Variants in HIBADH observed in about 807,000 individuals in gnomAD.
HIBADH encodes 3-hydroxyisobutyrate dehydrogenase, mitochondrial.
HIBADH carries 25 observed loss-of-function variants against 36.1 expected under a neutral mutation model. That is an observed-to-expected ratio of 0.69 (90% confidence interval 0.50 to 0.97). The LOEUF is 0.97. Ranked by LOEUF, HIBADH falls within the 50% of genes least tolerant of loss-of-function variation. HIBADH has a pLI of 0.00. For synonymous variants in HIBADH, 160 were observed against 149.5 expected (o/e 1.07, Z -0.51); for missense variants, 421 against 418.0 (o/e 1.01, Z -0.06).
intron 7 of HIBADH, among the ~76,000 whole-genome samples, chr7:27,526,876 A>AATTAAATAAGCATGGTAT (rs1472950270): frequency 7.2e-5 from 11 of 152,300 alleles, no homozygotes; most frequent in Middle Eastern, 3.4e-3. Context: ...GGAGAAAGAC[A>AATTAAATAAGCATGGTAT]ATTAAATAAG....
chr7:27,641,028 A>G (rs1785950909), intron 2 of HIBADH, among the ~76,000 whole-genome samples: 1 of 152,150 alleles, frequency 6.6e-6, no homozygotes, highest in Admixed American at 6.5e-5. Context: ...CTGGAACGGC[A>G]GGTGGCCATC....
rs1249146331 is a variant in HIBADH at position 27,645,405 on chromosome 7, T to A, written c.252+4068A>T. Among the ~76,000 whole-genome samples, 4 of 119,742 alleles carry A rather than the reference T, an allele frequency of 3.3e-5. No individual in the cohort carries two copies. The Admixed American group carries it at 4.4e-4, about 13-fold the overall frequency. The allele number at this position is 119,742 out of a possible 152,430, so 78.6% of individuals were successfully genotyped here. ...TTTTTTTTTTTTTTTTGAGACAGAG[T>A]CTTACTCTGTCGCCCAGGCTGGAGT... On this transcript the variant is annotated intron_variant, in intron 2 of 7. Transcript: ENST00000265395.
chr7:27,557,137 C>A (rs534968179), intron 4 of HIBADH, among the ~76,000 whole-genome samples: 32 of 100,092 alleles, frequency 3.2e-4, no homozygotes, highest in African/African-American at 1.5e-3. Flanking sequence ...GAGACCCTGT[C>A]TAAAAAGGAA....
chr7:27,540,699 T>C (rs1336294438), intron 5 of HIBADH, among the ~76,000 whole-genome samples: 1 of 152,126 alleles, frequency 6.6e-6, no homozygotes, highest in Non-Finnish European at 1.5e-5. Context: ...GCCTTAAAGG[T>C]CCTTATGATC....
intron 2 of HIBADH, among the ~76,000 whole-genome samples, chr7:27,645,368 ATTTTTTTTTT>A (rs762685685): frequency 3.4e-5 from 2 of 59,652 alleles, no homozygotes; most frequent in African/African-American, 6.3e-5. Context: ...CATGGTTTTG[ATTTTTTTTTT>A]TTTTTTTTTT....
intron 4 of HIBADH, among the ~76,000 whole-genome samples, chr7:27,614,797 T>G (rs1047673710): frequency 6.6e-6 from 1 of 152,220 alleles, no homozygotes; most frequent in Non-Finnish European, 1.5e-5. Flanking sequence ...GAGGCTTATT[T>G]GATGAAACAG....
intron 4 of HIBADH, among the ~76,000 whole-genome samples, chr7:27,585,291 G>A (rs183919711): frequency 9.3e-4 from 141 of 152,096 alleles, no homozygotes; most frequent in Non-Finnish European, 1.1e-3. Flanking sequence ...ATGCACACAC[G>A]TGTGTGTATG....
chr7:27,608,581 A>C (rs1474282657), intron 4 of HIBADH, among the ~76,000 whole-genome samples: 1 of 152,162 alleles, frequency 6.6e-6, no homozygotes, highest in Non-Finnish European at 1.5e-5. Flanking sequence ...TCAAATTCTC[A>C]ATTACATCTC....
chr7:27,546,208 T>C (rs1048562063), intron 4 of HIBADH, among the ~76,000 whole-genome samples: 33 of 152,130 alleles, frequency 2.2e-4, no homozygotes, highest in African/African-American at 7.7e-4. Context: ...GCTCAAGCAA[T>C]CCTCCCACCT....
intron 4 of HIBADH, among the ~76,000 whole-genome samples, chr7:27,575,494 G>T (rs187533132): frequency 3.1e-4 from 47 of 152,180 alleles, no homozygotes; most frequent in African/African-American, 1.1e-3. Context: ...GACTGGGCTG[G>T]ACTGGGTGAG....
At chr7:27,598,232 C>T (rs1400424859) in intron 4 of HIBADH, among the ~76,000 whole-genome samples, 1 of 152,100 alleles carries the variant, frequency 6.6e-6, no homozygotes, top group Non-Finnish European at 1.5e-5. Context: ...GATTGCTATG[C>T]TACATGAATG....
chr7:27,527,632 G>C (rs1056664161), intron 7 of HIBADH, among the ~76,000 whole-genome samples: 2 of 152,106 alleles, frequency 1.3e-5, no homozygotes, highest in African/African-American at 4.8e-5. Flanking sequence ...AAGTCTATCA[G>C]CACTGTTTTT....
At chr7:27,533,986 G>A (rs961826571) in intron 6 of HIBADH, among the ~76,000 whole-genome samples, 2 of 152,144 alleles carry the variant, frequency 1.3e-5, no homozygotes, top group African/African-American at 4.8e-5. Context: ...GAGTGCATGC[G>A]TGCATGCATG....
chr7:27,530,489 G>A (rs1258495577), intron 7 of HIBADH, among the ~76,000 whole-genome samples: 1 of 152,108 alleles, frequency 6.6e-6, no homozygotes, highest in East Asian at 1.9e-4. Flanking sequence ...TTAAAGGCAT[G>A]AGCTATCGCG....
chr7:27,638,564 A>C (rs1785898900), intron 2 of HIBADH, among the ~76,000 whole-genome samples: 1 of 152,158 alleles, frequency 6.6e-6, no homozygotes, highest in Admixed American at 6.5e-5. Context: ...TATCAAAAGC[A>C]ACTGCAACAA....
At chr7:27,553,809 C>T (rs905916498) in intron 4 of HIBADH, among the ~76,000 whole-genome samples, 18 of 152,122 alleles carry the variant, frequency 1.2e-4, no homozygotes, top group Non-Finnish European at 8.8e-5. Context: ...AAAACTCCGT[C>T]TTGCAAATAA....
intron 4 of HIBADH, among the ~76,000 whole-genome samples, chr7:27,563,286 G>A (rs1490608739): frequency 6.6e-6 from 1 of 152,122 alleles, no homozygotes; most frequent in Non-Finnish European, 1.5e-5. Flanking sequence ...AGGTTACACG[G>A]TTTGTTTATC....
At chr7:27,591,985 A>G (rs1385511025) in intron 4 of HIBADH, among the ~76,000 whole-genome samples, 1 of 152,222 alleles carries the variant, frequency 6.6e-6, no homozygotes, top group Non-Finnish European at 1.5e-5. Flanking sequence ...AAATGCCAAA[A>G]TCCAGAAATA....
At chr7:27,540,935 G>C (rs1361904993) in intron 5 of HIBADH, among the ~76,000 whole-genome samples, 3 of 152,188 alleles carry the variant, frequency 2.0e-5, no homozygotes, top group Non-Finnish European at 2.9e-5. Context: ...AGGCCTTCTT[G>C]CTGTACAACC....
Sources: gnomAD v4.1 joint callset for allele counts (sites outside exome capture counted in the v4.1 genomes callset) on GRCh38, gnomAD v4.1.1 for gene constraint, MANE v1.5 for transcripts, NCBI Gene and HGNC (gene_info 2026-07-23, HGNC 2026-07-21) for gene names.